KIAA1217: variants seen among roughly 807,000 people sequenced by gnomAD.
The protein encoded by KIAA1217 is KIAA1217.
Under a neutral mutation model 163.9 loss-of-function variants are expected in KIAA1217, and 88 were observed. The ratio of observed to expected loss-of-function variants is 0.54; its 90% CI spans 0.45 to 0.64. KIAA1217 has a LOEUF of 0.64. KIAA1217 is among the 30% of genes least tolerant of loss of function. The pLI is 0.00. For missense variants in KIAA1217, 2,372 were observed against 2,475.0 expected (o/e 0.96, Z 0.88); for synonymous variants, 903 against 923.1 (o/e 0.98, Z 0.39).
chr10:24,002,890 A>G (rs1425942629), intron 1 of KIAA1217, among the ~76,000 whole-genome samples: 1 of 152,190 alleles, frequency 6.6e-6, no homozygotes, highest in African/African-American at 2.4e-5. Flanking sequence ...GTTATAAGTG[A>G]GAGCATATGC....
At chr10:24,207,192 G>C (rs1413425840), upstream of KIAA1217, among the ~76,000 whole-genome samples, 2 of 152,026 alleles carry the variant, frequency 1.3e-5, no homozygotes, top group African/African-American at 2.4e-5. Flanking sequence ...CTGGACACCA[G>C]AGCAAGGGGA....
chr10:24,373,689 T>C (rs1327573268), intron 2 of KIAA1217, among the ~76,000 whole-genome samples: 1 of 152,172 alleles, frequency 6.6e-6, no homozygotes, highest in African/African-American at 2.4e-5. Flanking sequence ...GGAAGAGCCC[T>C]TTTCTGCACA....
At chr10:24,425,970 A>G (rs1378055031) in intron 3 of KIAA1217, among the ~76,000 whole-genome samples, 1 of 152,202 alleles carries the variant, frequency 6.6e-6, no homozygotes, top group Non-Finnish European at 1.5e-5. Flanking sequence ...ATAAGTTGAA[A>G]ACTTATTTCC....
intron 1 of KIAA1217, among the ~76,000 whole-genome samples, chr10:24,211,784 C>T (rs771315364): frequency 6.6e-5 from 10 of 151,588 alleles, no homozygotes; most frequent in East Asian, 1.9e-4. Context: ...TTGGACCAGG[C>T]GGTGATTAGC....
At chr10:24,282,138 C>T (rs2078014042) in intron 2 of KIAA1217, among the ~76,000 whole-genome samples, 1 of 152,092 alleles carries the variant, frequency 6.6e-6, no homozygotes, top group Non-Finnish European at 1.5e-5. Flanking sequence ...GAGGCTAAGG[C>T]AGGAGGAGCT....
chr10:24,531,681 C>T, intron 14 of KIAA1217, 149 bp from the exon 15 acceptor site: 1 of 647,652 alleles, frequency 1.5e-6, no homozygotes, highest in Non-Finnish European at 2.4e-6. Context: ...AATCCAGTCA[C>T]TCTTTAGGGT....
intron 1 of KIAA1217, among the ~76,000 whole-genome samples, chr10:23,848,592 G>A (rs145814126): frequency 6.6e-6 from 1 of 151,874 alleles, no homozygotes; most frequent in Non-Finnish European, 1.5e-5. Flanking sequence ...CCAAATCATG[G>A]GTCTCTTCTG....
Position 23,866,965 on chromosome 10 carries a change from C to A in KIAA1217, c.-320-140260C>A, listed in dbSNP as rs180956193. ...CTGCACCCATTAACTCATCATTTAGCATTAGGTATATCTCCTAAAGCTATC... is the reference window on the plus strand; with the variant it reads ...CTGCACCCATTAACTCATCATTTAGAATTAGGTATATCTCCTAAAGCTATC... On this transcript the variant is annotated intron_variant, in intron 1 of 18. Coordinates refer to the KIAA1217 transcript ENST00000376462. Among the ~76,000 whole-genome samples, 64 of 151,052 alleles carry A rather than the reference C, an allele frequency of 4.2e-4. 4 individuals are homozygous for A. The East Asian group carries it at 0.012, about 29-fold the overall frequency.
chr10:24,494,375 C>T lies in KIAA1217; in HGVS notation c.1680-125C>T, dbSNP rs1564794152. 2.8e-6 allele frequency: 2 copies of T among 715,360 alleles called. 1 individual carries two copies. The highest frequency in any genetic ancestry group is 4.8e-6 in the Non-Finnish European group (2 of 416,686). The allele number at this position is 715,360 out of a possible 1,614,324, so 44.3% of individuals were successfully genotyped here. ...TGTGCGGCTCTTCATGTTCCTGAGC[C>T]AGGTTGGGTGAACTTCCACGGCCTT... is the stretch of plus-strand genomic sequence containing the variant. On this transcript the variant is annotated intron_variant, in intron 6 of 20. Coordinates refer to ENST00000376454, the MANE Select transcript of KIAA1217 (RefSeq NM_019590.5).
intron 1 of KIAA1217, among the ~76,000 whole-genome samples, chr10:23,910,099 T>A (rs577978358): frequency 1.3e-5 from 2 of 150,914 alleles, no homozygotes; most frequent in African/African-American, 2.4e-5. Context: ...AGTTGAACAA[T>A]GAGAACACGT....
At chr10:23,898,237 A>T (rs1366396814) in intron 1 of KIAA1217, among the ~76,000 whole-genome samples, 1 of 151,828 alleles carries the variant, frequency 6.6e-6, no homozygotes, top group Non-Finnish European at 1.5e-5. Context: ...TATTGATCTC[A>T]ATTCTGATAT....
intron 2 of KIAA1217, among the ~76,000 whole-genome samples, chr10:24,304,206 T>TA (rs1491546501): frequency 2.3e-5 from 2 of 87,478 alleles, no homozygotes; most frequent in African/African-American, 2.2e-4. Flanking sequence ...TTAGGTTACC[T>TA]TTTTTTTTTT....
In KIAA1217 at chr10:24,340,218, C is replaced by G. The variant is rs2046903735; in HGVS notation, c.355-40651C>G. Among the ~76,000 whole-genome samples, 3 of 152,084 alleles carry G rather than the reference C, an allele frequency of 2.0e-5. No homozygotes were observed. In the South Asian group the frequency reaches 6.2e-4, roughly 32 times the overall value. On this transcript the variant is annotated intron_variant, in intron 2 of 20. Coordinates refer to ENST00000376454, the MANE Select transcript of KIAA1217 (RefSeq NM_019590.5). Reference sequence around the variant, plus strand: ...GTTGGTGGTATGGCTTGGCCGTGTCCCCACCCAAATCTCATTTTGAATTGT... The same window carrying G: ...GTTGGTGGTATGGCTTGGCCGTGTCGCCACCCAAATCTCATTTTGAATTGT...
intron 1 of KIAA1217, among the ~76,000 whole-genome samples, chr10:23,993,459 C>A (rs1846312225): frequency 1.3e-5 from 2 of 151,292 alleles, no homozygotes; most frequent in South Asian, 4.2e-4. Flanking sequence ...CAGGAATAGT[C>A]AATACCTTCA....
chr10:23,865,355 T>A (rs979357724), intron 1 of KIAA1217, among the ~76,000 whole-genome samples: 3 of 152,178 alleles, frequency 2.0e-5, no homozygotes, highest in African/African-American at 7.2e-5. Flanking sequence ...TTTATTTATT[T>A]ATTAATCATT....
chr10:23,766,586 TC>T lies in KIAA1217; in HGVS notation c.-321+71353del, dbSNP rs1345178521. 6.9e-4 allele frequency among the ~76,000 whole-genome samples: 99 copies of T among 144,320 alleles called. 2 individuals carry two copies. The highest frequency in any genetic ancestry group is 3.2e-3 in the Admixed American group (48 of 14,972). The allele number at this position is 144,320 out of a possible 152,430, so 94.7% of individuals were successfully genotyped here. ...TTCTTTTCTTTTTTTTTTCTTTCTTTCTTTTTTCTTTTTTTTTTTTGAGACA... is the reference window on the plus strand; with the variant it reads ...TTCTTTTCTTTTTTTTTTCTTTCTTTTTTTTTCTTTTTTTTTTTTGAGACA... On this transcript the variant is annotated intron_variant, in intron 1 of 18. Coordinates refer to the KIAA1217 transcript ENST00000376462.
chr10:24,279,237 GTT>G (rs11331007), intron 2 of KIAA1217, among the ~76,000 whole-genome samples: 12 of 147,494 alleles, frequency 8.1e-5, no homozygotes, highest in East Asian at 4.0e-4. Flanking sequence ...TCTAGTGTCT[GTT>G]TTTTTTTTTG....
At chr10:24,136,383 A>C (rs2063833429) in intron 2 of KIAA1217, among the ~76,000 whole-genome samples, 1 of 152,184 alleles carries the variant, frequency 6.6e-6, no homozygotes, top group East Asian at 1.9e-4. Flanking sequence ...TGAGATTATT[A>C]GATTTTTTAA....
chr10:23,899,443 C>G (rs1841859147), intron 1 of KIAA1217, among the ~76,000 whole-genome samples: 1 of 151,988 alleles, frequency 6.6e-6, no homozygotes. Flanking sequence ...TTTTGTGCAT[C>G]TGACTTGAAT....
Sources: gnomAD v4.1 joint callset for allele counts (sites outside exome capture counted in the v4.1 genomes callset) on GRCh38, gnomAD v4.1.1 for gene constraint, MANE v1.5 for transcripts, NCBI Gene and HGNC (gene_info 2026-07-23, HGNC 2026-07-21) for gene names.